PACRGL: variants seen among roughly 807,000 people sequenced by gnomAD.
PACRGL encodes the protein parkin coregulated like, also known as PACRG-like protein.
A neutral mutation model predicts 34.5 loss-of-function variants in PACRGL; 38 were observed. The observed-to-expected ratio is 1.10, with a 90% confidence interval of 0.85 to 1.44. The LOEUF is 1.44. Among genes scored for constraint, PACRGL ranks in the 40% most tolerant of loss-of-function variants. The probability of loss-of-function intolerance (pLI) is 0.00; values close to 1 mark genes in which losing one functional copy is unlikely to be tolerated. For synonymous variants in PACRGL, 128 were observed against 100.1 expected (o/e 1.28, Z -1.66); for missense variants, 305 against 281.4 (o/e 1.08, Z -0.60).
chr4:20,744,076 C>A (rs879804316), intron 8 of PACRGL, among the ~76,000 whole-genome samples: 5 of 152,146 alleles, frequency 3.3e-5, no homozygotes, highest in Admixed American at 3.3e-4. Context: ...CCATCTCACA[C>A]CAGTTAGAAT....
In PACRGL at chr4:20,729,087, T is replaced by TAGAC. The variant is rs542124920; in HGVS notation, c.*1749_*1752dup. On this transcript the variant is annotated 3_prime_UTR_variant, in exon 9 of 9. Coordinates refer to ENST00000503585, the MANE Select transcript of PACRGL (RefSeq NM_001258345.3). ...AATTTTGCTTGCTGTTTGTTCTTAG[T>TAGAC]AGACAGTGGGGTAGTCAAGGTTTCT... 3.6e-4 allele frequency: 55 copies of TAGAC among 152,090 alleles called. No homozygotes were observed. The East Asian group carries it at 6.3e-3, about 18-fold the overall frequency. The allele number at this position is 152,090 out of a possible 1,614,324, so 9.4% of individuals were successfully genotyped here.
the PACRGL span, among the ~76,000 whole-genome samples, chr4:20,759,419 A>G: frequency 6.6e-6 from 1 of 152,170 alleles, no homozygotes; most frequent in African/African-American, 2.4e-5. Context: ...GTAACAAGTG[A>G]CCTTGGGTGA....
downstream of PACRGL, among the ~76,000 whole-genome samples, chr4:20,733,532 T>C (rs1271010250): frequency 6.6e-6 from 1 of 152,092 alleles, no homozygotes; most frequent in Non-Finnish European, 1.5e-5. Context: ...TTATAAATGA[T>C]AGAGTAATTT....
chr4:20,724,352 T>C (rs1313701427), intron 7 of PACRGL, among the ~76,000 whole-genome samples: 1 of 152,146 alleles, frequency 6.6e-6, no homozygotes, highest in Non-Finnish European at 1.5e-5. Context: ...AGTAGGGTAA[T>C]GCAGTCTGAA....
chr4:20,719,888 T>G (rs1742159567), intron 7 of PACRGL, among the ~76,000 whole-genome samples: 1 of 152,210 alleles, frequency 6.6e-6, no homozygotes, highest in Non-Finnish European at 1.5e-5. Context: ...GTATCCTTGT[T>G]AACTTTCTGT....
At chr4:20,761,267 G>A in the PACRGL span, among the ~76,000 whole-genome samples, 2 of 152,138 alleles carry the variant, frequency 1.3e-5, no homozygotes, top group South Asian at 4.1e-4. Context: ...GCTCCACAAA[G>A]TGTGAACCAA....
downstream of PACRGL, among the ~76,000 whole-genome samples, chr4:20,756,478 T>C (rs922305526): frequency 2.6e-5 from 4 of 152,206 alleles, no homozygotes; most frequent in Admixed American, 2.6e-4. Context: ...TCCAGTCTTT[T>C]CTACATTAAA....
intron 8 of PACRGL, among the ~76,000 whole-genome samples, chr4:20,740,153 A>G (rs1489070498): frequency 9.9e-5 from 15 of 152,186 alleles, no homozygotes; most frequent in Non-Finnish European, 2.2e-4. Context: ...CAAGTTGGAA[A>G]ACACCCTTCA....
At chr4:20,706,280 C>T (rs1205187865) in intron 3 of PACRGL, among the ~76,000 whole-genome samples, 1 of 152,078 alleles carries the variant, frequency 6.6e-6, no homozygotes, top group South Asian at 2.1e-4. Flanking sequence ...GAAATTTAGT[C>T]TTTGTGGGTA....
chr4:20,730,004 C>A lies in PACRGL; in HGVS notation c.*2663C>A. 1 of 1,514,134 alleles carries A rather than the reference C, an allele frequency of 6.6e-7. No homozygotes were observed. Among genetic ancestry groups the A allele is most frequent in the Non-Finnish European group, 8.9e-7 (1 of 1,126,344 alleles). The allele number at this position is 1,514,134 out of a possible 1,614,324, so 93.8% of individuals were successfully genotyped here. On this transcript the variant is annotated 3_prime_UTR_variant, in exon 9 of 9. Coordinates refer to ENST00000503585, the MANE Select transcript of PACRGL (RefSeq NM_001258345.3). ...TCAGTGTCAAGCTGAGCAATCTATG[C>A]TAAAAGTGGTAGCTCCAACTTTAAG... is the stretch of plus-strand genomic sequence containing the variant.
intron 7 of PACRGL, among the ~76,000 whole-genome samples, chr4:20,721,727 C>G (rs1743302364): frequency 6.6e-6 from 1 of 152,238 alleles, no homozygotes; most frequent in South Asian, 2.1e-4. Flanking sequence ...AGGTGTCAGT[C>G]TGCCCCTACT....
intron 6 of PACRGL, 43 bp from the exon 7 acceptor site, chr4:20,713,389 C>G (rs1485952624): frequency 1.4e-6 from 2 of 1,461,848 alleles, no homozygotes; most frequent in African/African-American, 2.8e-5. Context: ...TTTCTCCTCT[C>G]TTCCCTGATG....
At chr4:20,699,595 A>C (rs528768886), upstream of PACRGL, among the ~76,000 whole-genome samples, 1 of 152,340 alleles carries the variant, frequency 6.6e-6, no homozygotes, top group East Asian at 1.9e-4. Flanking sequence ...CTACAGGAGC[A>C]CAGAAGGATT....
At chr4:20,709,346 A>G (rs548641894) in intron 4 of PACRGL, among the ~76,000 whole-genome samples, 8 of 152,084 alleles carry the variant, frequency 5.3e-5, no homozygotes, top group Non-Finnish European at 8.8e-5. Flanking sequence ...AATAATTACT[A>G]TGTTTTGTTT....
intron 8 of PACRGL, among the ~76,000 whole-genome samples, 176 bp from the exon 9 acceptor site, chr4:20,727,109 A>G (rs1746043293): frequency 1.3e-5 from 2 of 152,190 alleles, no homozygotes; most frequent in Non-Finnish European, 2.9e-5. Flanking sequence ...AAAAAAGAGA[A>G]AGAAACAGCC....
Position 20,727,721 on chromosome 4 carries a change from G to C in PACRGL, c.*380G>C, listed in dbSNP as rs1312312513. ...TTTATAGATAGTTTGCCATTTCTTGGGTTTAATGTTTAACAAGGCTATAGA... is the reference window on the plus strand; with the variant it reads ...TTTATAGATAGTTTGCCATTTCTTGCGTTTAATGTTTAACAAGGCTATAGA... On this transcript the variant is annotated 3_prime_UTR_variant, in exon 9 of 9. Transcript: ENST00000503585. 5.9e-6 allele frequency: 1 copy of C among 169,416 alleles called. No homozygotes were observed. The highest frequency in any genetic ancestry group is 1.3e-5 in the Non-Finnish European group (1 of 78,950). The allele number at this position is 169,416 out of a possible 1,614,324, so 10.5% of individuals were successfully genotyped here.
rs1265920430 is a variant in PACRGL at position 20,729,309 on chromosome 4, C to CTTAATGATTGATACTAATGATTGATACAA, written c.*1970_*1998dup. 6.6e-6 allele frequency: 1 copy of CTTAATGATTGATACTAATGATTGATACAA among 151,690 alleles called. No homozygotes were observed. The highest frequency in any genetic ancestry group is 6.6e-5 in the Admixed American group (1 of 15,064). 9.4% of individuals were successfully genotyped at this position (151,690 alleles called of 1,614,324 possible). A position where few individuals can be genotyped will look rare whatever the true frequency, so the allele number is the denominator to read the frequency against. ...TGTTTGATGCCTTCTTCAACTTCCA[C>CTTAATGATTGATACTAATGATTGATACAA]TTAATGATTGATACTAATGATTGAT... On this transcript the variant is annotated 3_prime_UTR_variant, in exon 9 of 9. Coordinates refer to ENST00000503585, the MANE Select transcript of PACRGL (RefSeq NM_001258345.3).
chr4:20,758,732 G>A, the PACRGL span: 11 of 940,644 alleles, frequency 1.2e-5, no homozygotes, highest in South Asian at 1.2e-4. Flanking sequence ...GATTAAAAAT[G>A]TAGCATCATG....
chr4:20,765,801 AGAT>A, the PACRGL span, among the ~76,000 whole-genome samples: 1 of 152,176 alleles, frequency 6.6e-6, no homozygotes, highest in Non-Finnish European at 1.5e-5. Context: ...TAACTGCCAT[AGAT>A]TTGTCTGTTG....
Sources: gnomAD v4.1 joint callset for allele counts (sites outside exome capture counted in the v4.1 genomes callset) on GRCh38, gnomAD v4.1.1 for gene constraint, MANE v1.5 for transcripts, NCBI Gene and HGNC (gene_info 2026-07-23, HGNC 2026-07-21) for gene names.